FAF2: variants seen among roughly 807,000 people sequenced by gnomAD.
The protein encoded by FAF2 is FAS-associated factor 2.
FAF2 carries 9 observed loss-of-function variants against 62.3 expected under a neutral mutation model. That is an observed-to-expected ratio of 0.14 (90% confidence interval 0.09 to 0.25). FAF2 has a LOEUF of 0.25. Among genes scored for constraint, FAF2 ranks in the 10% least tolerant of loss-of-function variants. The pLI, the probability that FAF2 is intolerant of heterozygous loss-of-function variation, is 1.00. For synonymous variants in FAF2, 202 were observed against 198.0 expected (o/e 1.02, Z -0.17); for missense variants, 368 against 556.2 (o/e 0.66, Z 3.40).
At position 176,507,466 on chromosome 5, in the gene FAF2, A is replaced by G; in HGVS notation, c.*516A>G. The G allele has an allele frequency of 3.4e-6, 1 of 292,230 alleles. No individual in the cohort carries two copies. The highest frequency in any genetic ancestry group is 2.9e-5 in the South Asian group (1 of 34,118). The allele number at this position is 292,230 out of a possible 1,614,324, so 18.1% of individuals were successfully genotyped here. On this transcript the variant is annotated 3_prime_UTR_variant, in exon 11 of 11. Coordinates refer to ENST00000261942, the MANE Select transcript of FAF2 (RefSeq NM_014613.3). ...CTTGAACTGCCCACAAGTTTTCAAT[A>G]ACTTTTATTTCTGTTTTGTAATGAC...
chr5:176,470,125 A>AT (rs1247910468), intron 1 of FAF2, among the ~76,000 whole-genome samples: 1 of 152,226 alleles, frequency 6.6e-6, no homozygotes, highest in Non-Finnish European at 1.5e-5. Flanking sequence ...TAATAATTTT[A>AT]TTTAATTGTA....
At chr5:176,458,546 G>A (rs1240895618) in intron 1 of FAF2, among the ~76,000 whole-genome samples, 1 of 150,112 alleles carries the variant, frequency 6.7e-6, no homozygotes, top group African/African-American at 2.5e-5. Flanking sequence ...TGGGATTACA[G>A]GCGCGTGCCA....
intron 1 of FAF2, among the ~76,000 whole-genome samples, chr5:176,474,116 A>G (rs113586623): frequency 4.6e-5 from 7 of 152,318 alleles, no homozygotes; most frequent in African/African-American, 1.7e-4. Context: ...ACATGTATGT[A>G]TACTAAACTA....
intron 1 of FAF2, among the ~76,000 whole-genome samples, chr5:176,474,847 A>T (rs1465037091): frequency 6.6e-6 from 1 of 152,196 alleles, no homozygotes; most frequent in Non-Finnish European, 1.5e-5. Context: ...CTAGGATGAA[A>T]ATTTAAACAG....
intron 3 of FAF2, among the ~76,000 whole-genome samples, chr5:176,488,184 A>G (rs1377900508): frequency 6.6e-6 from 1 of 151,144 alleles, no homozygotes; most frequent in Non-Finnish European, 1.5e-5. Flanking sequence ...TACCATGTTG[A>G]CCAGGCTGGT....
intron 2 of FAF2, 43 bp downstream of exon 2, chr5:176,479,299 C>A: frequency 2.7e-6 from 4 of 1,492,850 alleles, no homozygotes; most frequent in South Asian, 1.1e-5. Flanking sequence ...TTTCTCTGGT[C>A]TGATTAAGAG....
chr5:176,506,182 G>A (rs1035295676), intron 10 of FAF2, among the ~76,000 whole-genome samples: 5 of 138,214 alleles, frequency 3.6e-5, no homozygotes, highest in African/African-American at 1.4e-4. Context: ...GCAACAGAGC[G>A]AGACTCTCTC....
Position 176,508,703 on chromosome 5 carries a change from G to A in FAF2, c.*1753G>A, listed in dbSNP as rs1755728254. On this transcript the variant is annotated 3_prime_UTR_variant, in exon 11 of 11. Coordinates refer to ENST00000261942, the MANE Select transcript of FAF2 (RefSeq NM_014613.3). ...TTCGTTTTCTGCTGTCCCAAGGCCA[G>A]ATGAGTGGAATCACCATCTGACTGC... 6.6e-6 allele frequency: 1 copy of A among 152,198 alleles called. No individual in the cohort carries two copies. Among genetic ancestry groups the A allele is most frequent in the Non-Finnish European group, 1.5e-5 (1 of 68,044 alleles). The allele number at this position is 152,198 out of a possible 1,614,324, so 9.4% of individuals were successfully genotyped here. A position where few individuals can be genotyped will look rare whatever the true frequency, so the allele number is the denominator to read the frequency against.
intron 1 of FAF2, among the ~76,000 whole-genome samples, chr5:176,451,364 C>CT (rs1243004818): frequency 6.6e-6 from 1 of 151,986 alleles, no homozygotes; most frequent in African/African-American, 2.4e-5. Context: ...GAGCGGGACT[C>CT]TGTCTCAAAA....
chr5:176,472,781 T>C (rs925331453), intron 1 of FAF2, among the ~76,000 whole-genome samples: 23 of 150,482 alleles, frequency 1.5e-4, no homozygotes, highest in Admixed American at 5.3e-4. Context: ...AGGGCTCATA[T>C]GGTTCTTATA....
chr5:176,462,960 T>A (rs1758404368), intron 1 of FAF2, among the ~76,000 whole-genome samples: 1 of 152,212 alleles, frequency 6.6e-6, no homozygotes. Context: ...TACCTTCATT[T>A]CTCTTGAAAC....
chr5:176,486,421 C>T lies in FAF2; in HGVS notation c.199C>T (p.Arg67Ter). The T allele has an allele frequency of 1.2e-6, 2 of 1,614,130 alleles. No homozygotes were observed. Among genetic ancestry groups the T allele is most frequent in the Non-Finnish European group, 1.7e-6 (2 of 1,179,964 alleles). Residue 67 changes from arginine (R) to a stop codon, truncating the protein, a stop_gained, in exon 3 of 11, where the codon CGA becomes TGA. Transcript: ENST00000261942. LOFTEE classifies it high-confidence loss of function. ...VPSVFNPPPS[R>*]PLQVNTADHR... is the part of the protein sequence containing the mutation. The stretch of plus-strand genomic sequence containing the variant: ...TAGTGTTTTCAACCCACCTCCATCA[C>T]GACCCCTGCAGGTTAATACAGCTGA...
At chr5:176,467,303 A>G (rs1399031075) in intron 1 of FAF2, among the ~76,000 whole-genome samples, 1 of 151,838 alleles carries the variant, frequency 6.6e-6, no homozygotes. Flanking sequence ...ATCTCAAGCC[A>G]CCTTAGATGT....
In FAF2 at chr5:176,507,520, A is replaced by G. The variant is rs1162320887; in HGVS notation, c.*570A>G. Reference sequence around the variant, plus strand: ...AGGAATGAGGCTGACATAGGTATATATATATATTTTTTTCCTTTATTTGAT... The same window carrying G: ...AGGAATGAGGCTGACATAGGTATATGTATATATTTTTTTCCTTTATTTGAT... On this transcript the variant is annotated 3_prime_UTR_variant, in exon 11 of 11. Transcript: ENST00000261942. 4 of 174,092 alleles carry G rather than the reference A, an allele frequency of 2.3e-5. No individual in the cohort carries two copies. Among genetic ancestry groups the G allele is most frequent in the Middle Eastern group, 1.5e-3 (1 of 682 alleles). The allele number at this position is 174,092 out of a possible 1,614,324, so 10.8% of individuals were successfully genotyped here.
intron 10 of FAF2, among the ~76,000 whole-genome samples, chr5:176,503,922 G>T (rs556892853): frequency 1.3e-5 from 2 of 152,244 alleles, no homozygotes; most frequent in South Asian, 2.1e-4. Context: ...AGCACTTTGG[G>T]ATGCCAAGGC....
At position 176,507,347 on chromosome 5, in the gene FAF2, A is replaced by T. The variant is rs747378374; in HGVS notation, c.*397A>T. On this transcript the variant is annotated 3_prime_UTR_variant, in exon 11 of 11. Coordinates refer to ENST00000261942, the MANE Select transcript of FAF2 (RefSeq NM_014613.3). ...AAATAAAAGTGAAAAACCTCCATCAACCAGCTACTTGCAGCATCTCCTGAG... is the reference window on the plus strand; with the variant it reads ...AAATAAAAGTGAAAAACCTCCATCATCCAGCTACTTGCAGCATCTCCTGAG... 2.2e-6 allele frequency: 1 copy of T among 453,466 alleles called. No individual in the cohort carries two copies. The highest frequency in any genetic ancestry group is 2.4e-5 in the Admixed American group (1 of 42,150). The allele number at this position is 453,466 out of a possible 1,614,324, so 28.1% of individuals were successfully genotyped here.
intron 1 of FAF2, among the ~76,000 whole-genome samples, chr5:176,467,306 T>C (rs1290654381): frequency 6.6e-6 from 1 of 152,070 alleles, no homozygotes; most frequent in Non-Finnish European, 1.5e-5. Flanking sequence ...TCAAGCCACC[T>C]TAGATGTCAG....
intron 1 of FAF2, among the ~76,000 whole-genome samples, chr5:176,456,232 C>G (rs532995979): frequency 1.3e-5 from 2 of 152,028 alleles, no homozygotes; most frequent in African/African-American, 4.8e-5. Flanking sequence ...CCACCACACC[C>G]GGCTAATTTT....
intron 4 of FAF2, among the ~76,000 whole-genome samples, chr5:176,490,472 CCTTCCCTGGAAGTACAGGTTCCCTGTA>C (rs939640011): frequency 1.3e-5 from 2 of 151,934 alleles, no homozygotes; most frequent in African/African-American, 2.4e-5. Flanking sequence ...GTAGTCTGGG[CCTTCCCTGGAAGTACAGGTTCCCTGTA>C]CTTCCCTTCA....
Sources: allele counts gnomAD v4.1 joint callset (sites outside exome capture counted in the v4.1 genomes callset), GRCh38; gene constraint gnomAD v4.1.1; transcripts MANE v1.5; gene names NCBI Gene and HGNC (gene_info 2026-07-23, HGNC 2026-07-21).